SNX31: variants seen among roughly 807,000 people sequenced by gnomAD.
The protein encoded by SNX31 is sorting nexin 31, also known as sorting nexin-31.
In SNX31, 58 loss-of-function variants were observed where a neutral mutation model predicts 65.4. The observed-to-expected ratio is 0.89, with a 90% CI of 0.72 to 1.10. The LOEUF is 1.10. SNX31 is among the 50% of genes least tolerant of loss of function. The pLI is 0.00. For missense variants in SNX31, 523 were observed against 529.7 expected (o/e 0.99, Z 0.12); for synonymous variants, 181 against 190.1 (o/e 0.95, Z 0.39).
intron 12 of SNX31, among the ~76,000 whole-genome samples, chr8:100,582,974 T>C (rs554900960): frequency 6.7e-6 from 1 of 149,112 alleles, no homozygotes; most frequent in African/African-American, 2.5e-5. Context: ...AGAGTGAGAC[T>C]CCATCTAAAA....
At position 100,573,859 on chromosome 8, in the gene SNX31, C is replaced by T; in HGVS notation, c.*6G>A. The T allele has an allele frequency of 6.4e-7, 1 of 1,555,772 alleles. No individual in the cohort carries two copies. Among genetic ancestry groups the T allele is most frequent in the Non-Finnish European group, 8.7e-7 (1 of 1,146,020 alleles). On this transcript the variant is annotated 3_prime_UTR_variant, in exon 14 of 14. Transcript: ENST00000311812. ...CCAAGGATATTTTAAAATATGAGAG[C>T]TTTCTTCAGAGATCTTCTTCCTTTA... is the stretch of plus-strand genomic sequence containing the variant.
At position 100,636,005 on chromosome 8, in the gene SNX31, G is replaced by C. The variant is rs142077371; in HGVS notation, c.148C>G (p.Arg50Gly). ...GGTGGCAGGCAATTTCCAAAGACCC[G>C]CCTTAGCTGAAAGATCCAGGAAACA... The part of the protein sequence containing the change: ...QLHGWNEQLR[R>G]VFGNCLPPFP... Residue 50 changes from arginine to glycine, a missense_variant, in exon 3 of 14, where the codon CGG becomes GGG. Physicochemically the swap from Arg to Gly is moderately radical, Grantham distance 125. Transcript: ENST00000311812. 2 of 1,613,154 alleles carry C rather than the reference G, an allele frequency of 1.2e-6. No homozygotes were observed. Among genetic ancestry groups the C allele is most frequent in the Admixed American group, 1.7e-5 (1 of 59,990 alleles).
chr8:100,650,840 GTGTTTTTT>G (rs1484784913), upstream of SNX31, among the ~76,000 whole-genome samples: 10 of 126,018 alleles, frequency 7.9e-5, no homozygotes, highest in Non-Finnish European at 1.4e-4. Flanking sequence ...AGTGTTTTTT[GTGTTTTTT>G]TGTTTTTTTT....
upstream of SNX31, among the ~76,000 whole-genome samples, chr8:100,651,450 G>A (rs745955847): frequency 6.6e-6 from 1 of 151,330 alleles, no homozygotes; most frequent in Non-Finnish European, 1.5e-5. Context: ...CTGGACCCTG[G>A]TTTCACCCCA....
chr8:100,649,646 C>G lies in SNX31; in HGVS notation c.-132G>C, dbSNP rs1587106484. ...CTCAGAGCGAACCCCGGCGCCCGCT[C>G]TCGCCGGCCGGGGACATCTACAGGT... On this transcript the variant is annotated 5_prime_UTR_variant, in exon 1 of 14. Transcript: ENST00000311812. 2 of 866,648 alleles carry G rather than the reference C, an allele frequency of 2.3e-6. No homozygotes were observed. The highest frequency in any genetic ancestry group is 3.4e-6 in the Non-Finnish European group (2 of 582,592). 53.7% of individuals were successfully genotyped at this position (866,648 alleles called of 1,614,324 possible).
intron 2 of SNX31, among the ~76,000 whole-genome samples, chr8:100,640,145 G>C (rs1332309172): frequency 7.4e-6 from 1 of 134,816 alleles, no homozygotes; most frequent in African/African-American, 3.1e-5. Context: ...CTTTTTTTTG[G>C]AGACAGAGTC....
chr8:100,645,433 C>G (rs7841498), intron 2 of SNX31, among the ~76,000 whole-genome samples: 1 of 152,046 alleles, frequency 6.6e-6, no homozygotes. Flanking sequence ...CTTTCAGCCT[C>G]AGACTTAGGG....
chr8:100,601,992 T>A (rs145823290), intron 8 of SNX31, among the ~76,000 whole-genome samples: 88 of 152,352 alleles, frequency 5.8e-4, no homozygotes, highest in Non-Finnish European at 9.6e-4. Context: ...TGGAATCAGC[T>A]GTCCACCTCC....
chr8:100,647,651 C>T (rs575628718), intron 2 of SNX31, among the ~76,000 whole-genome samples: 1 of 152,274 alleles, frequency 6.6e-6, no homozygotes, highest in Non-Finnish European at 1.5e-5. Flanking sequence ...GACCCATTTG[C>T]TTATTATTTC....
intron 8 of SNX31, among the ~76,000 whole-genome samples, chr8:100,608,101 G>C (rs1438154877): frequency 6.6e-6 from 1 of 152,188 alleles, no homozygotes; most frequent in Non-Finnish European, 1.5e-5. Context: ...TGTTACAATG[G>C]AGATAGAATT....
At chr8:100,595,067 A>G (rs1366641592) in intron 10 of SNX31, among the ~76,000 whole-genome samples, 1 of 152,232 alleles carries the variant, frequency 6.6e-6, no homozygotes, top group Non-Finnish European at 1.5e-5. Context: ...ATATTTATAG[A>G]ATGTTCTACC....
intron 2 of SNX31, among the ~76,000 whole-genome samples, chr8:100,645,787 T>C (rs1218069243): frequency 2.0e-5 from 3 of 152,016 alleles, no homozygotes; most frequent in Non-Finnish European, 4.4e-5. Flanking sequence ...TTTTTTGTAT[T>C]TTTGGTAGAG....
rs1818295818 is a variant in SNX31 at position 100,629,789 on chromosome 8, C to G, written c.321+538G>C. 6.6e-6 allele frequency among the ~76,000 whole-genome samples: 1 copy of G among 152,204 alleles called. No individual in the cohort carries two copies. Among genetic ancestry groups the G allele is most frequent in the Non-Finnish European group, 1.5e-5 (1 of 68,042 alleles). On this transcript the variant is annotated intron_variant, in intron 4 of 13. Coordinates refer to ENST00000311812, the MANE Select transcript of SNX31 (RefSeq NM_152628.4). The surrounding 1 kb of genome is among the most constrained non-coding windows in gnomAD (Gnocchi z 5.1). Reference sequence around the variant, plus strand: ...CCTAGGGAGCAAGTGACCCATGACTCTTTAGACCAACAAAGGAAAGGGAGT... The same window carrying G: ...CCTAGGGAGCAAGTGACCCATGACTGTTTAGACCAACAAAGGAAAGGGAGT...
intron 2 of SNX31, among the ~76,000 whole-genome samples, chr8:100,639,631 T>C (rs1819017710): frequency 6.6e-6 from 1 of 152,058 alleles, no homozygotes. Context: ...TATAGATGAC[T>C]ACATATAGAA....
Position 100,580,510 on chromosome 8 carries a change from T to C in SNX31, c.1171-3435A>G, listed in dbSNP as rs546080459. ...TAGGTGTGGGCCTGTGATGTGACTA[T>C]CTCTTGGCCAATTGTCGTAGGGGAA... On this transcript the variant is annotated intron_variant, in intron 12 of 13. Coordinates refer to ENST00000311812, the MANE Select transcript of SNX31 (RefSeq NM_152628.4). 4.6e-5 allele frequency among the ~76,000 whole-genome samples: 7 copies of C among 152,294 alleles called. No homozygotes were observed. In the East Asian group the frequency reaches 7.7e-4, roughly 17 times the overall value.
intron 4 of SNX31, 29 bp from the exon 5 acceptor site, chr8:100,617,759 T>C: frequency 6.4e-7 from 1 of 1,552,720 alleles, no homozygotes; most frequent in Middle Eastern, 1.8e-4. Context: ...CAAAATAAAT[T>C]TCCACACCTT....
intron 1 of SNX31, among the ~76,000 whole-genome samples, chr8:100,659,207 C>A (rs569564762): frequency 5.3e-5 from 8 of 151,976 alleles, no homozygotes; most frequent in Non-Finnish European, 1.2e-4. Context: ...TTAGCCGGGC[C>A]TGGTGGTGGG....
rs1038965719 is a variant in SNX31, at chr8:100,609,855, G to C, written c.612-1292C>G. On this transcript the variant is annotated intron_variant, in intron 7 of 13. Coordinates refer to ENST00000311812, the MANE Select transcript of SNX31 (RefSeq NM_152628.4). The surrounding 1 kb of genome is among the most constrained non-coding windows in gnomAD (Gnocchi z 4.9). ...CTGGGGCTCCCACAGGCCAGCACAG[G>C]TACCCTGTGGCCTGGAGGAAGCCAT... Among the ~76,000 whole-genome samples, 1 of 152,200 alleles carries C rather than the reference G, an allele frequency of 6.6e-6. No individual in the cohort carries two copies. Among genetic ancestry groups the C allele is most frequent in the Admixed American group, 6.5e-5 (1 of 15,286 alleles).
At position 100,630,889 on chromosome 8, in the gene SNX31, A is replaced by G. The variant is rs7832612; in HGVS notation, c.257-498T>C. 0.17 allele frequency among the ~76,000 whole-genome samples: 26,583 copies of G among 152,012 alleles called. 2,757 individuals are homozygous for G. The highest frequency in any genetic ancestry group is 0.28 in the African/African-American group (11,414 of 41,446). ...TGCAATGTCCGTCTCCTGGGTTAAGACGATTCTCTTGCCTCAGCCTCTGAA... is the reference window on the plus strand; with the variant it reads ...TGCAATGTCCGTCTCCTGGGTTAAGGCGATTCTCTTGCCTCAGCCTCTGAA... On this transcript the variant is annotated intron_variant, in intron 3 of 13. Transcript: ENST00000311812. The surrounding 1 kb of genome is among the most constrained non-coding windows in gnomAD (Gnocchi z 5.3).
Sources: allele counts gnomAD v4.1 joint callset (sites outside exome capture counted in the v4.1 genomes callset), GRCh38; gene constraint gnomAD v4.1.1; non-coding constraint Gnocchi (gnomAD v3.1); transcripts MANE v1.5; gene names NCBI Gene and HGNC (gene_info 2026-07-23, HGNC 2026-07-21).